MAPK10: variants seen among roughly 807,000 people sequenced by gnomAD.
The protein encoded by MAPK10 is mitogen-activated protein kinase 10, also known as JNK3 alpha protein kinase.
In MAPK10, 25 loss-of-function variants were observed where a neutral mutation model predicts 59.3. The ratio of observed to expected loss-of-function variants is 0.42; its 90% CI spans 0.31 to 0.59. The LOEUF (loss-of-function observed/expected upper bound fraction) is 0.59, where lower values mean the gene tolerates loss of function less well. Ranked by LOEUF, MAPK10 falls within the 20% of genes least tolerant of loss-of-function variation. The pLI, the probability that MAPK10 is intolerant of heterozygous loss-of-function variation, is 0.15. For missense variants in MAPK10, 351 were observed against 568.9 expected (o/e 0.62, Z 3.90); for synonymous variants, 190 against 200.5 (o/e 0.95, Z 0.44).
chr4:86,249,749 T>C (rs2093321004), intron 2 of MAPK10, among the ~76,000 whole-genome samples: 2 of 152,170 alleles, frequency 1.3e-5, no homozygotes, highest in South Asian at 2.1e-4. Context: ...AAATCCCATA[T>C]TAAATACTCT....
chr4:86,509,945 T>C (rs1756089624), intron 1 of MAPK10, among the ~76,000 whole-genome samples: 1 of 152,230 alleles, frequency 6.6e-6, no homozygotes, highest in African/African-American at 2.4e-5. Flanking sequence ...ACATGTGTTG[T>C]ATGCTGTGTC....
chr4:86,400,674 TC>T (rs1303560631), intron 1 of MAPK10, among the ~76,000 whole-genome samples: 2 of 152,126 alleles, frequency 1.3e-5, no homozygotes, highest in Non-Finnish European at 2.9e-5. Flanking sequence ...GCTTTATAAT[TC>T]TATAAGATGT....
intron 4 of MAPK10, chr4:86,117,706 T>C (rs796986535): frequency 1.4e-4 from 22 of 152,342 alleles, no homozygotes; most frequent in Admixed American, 5.9e-4. Flanking sequence ...TCTTCTGACA[T>C]GTCTTATTTG....
At chr4:86,379,960 G>C (rs1205404219) in intron 1 of MAPK10, among the ~76,000 whole-genome samples, 2 of 152,114 alleles carry the variant, frequency 1.3e-5, no homozygotes, top group African/African-American at 4.8e-5. Context: ...TTTCGGCAGG[G>C]CGCAGTGGCT....
intron 1 of MAPK10, among the ~76,000 whole-genome samples, chr4:86,547,035 G>A (rs1360449823): frequency 1.3e-5 from 2 of 152,226 alleles, no homozygotes; most frequent in Admixed American, 6.5e-5. Context: ...CTGGGCGACA[G>A]AGCGAGACTC....
intron 11 of MAPK10, among the ~76,000 whole-genome samples, chr4:86,034,494 G>A (rs1273536583): frequency 6.6e-6 from 1 of 152,148 alleles, no homozygotes; most frequent in Non-Finnish European, 1.5e-5. Context: ...TGGTCACTGT[G>A]AATTAATAAA....
chr4:86,239,591 C>T (rs2092562718), intron 2 of MAPK10, among the ~76,000 whole-genome samples: 1 of 151,798 alleles, frequency 6.6e-6, no homozygotes, highest in Non-Finnish European at 1.5e-5. Context: ...GTGTATGTAT[C>T]CAGGAATTTA....
chr4:86,078,604 T>TATACACAC (rs545667584), intron 9 of MAPK10, among the ~76,000 whole-genome samples: 2 of 149,666 alleles, frequency 1.3e-5, no homozygotes, highest in African/African-American at 2.5e-5. Flanking sequence ...TATATATATA[T>TATACACAC]ACACACACAC....
intron 1 of MAPK10, among the ~76,000 whole-genome samples, chr4:86,450,589 G>T (rs1335760009): frequency 6.6e-6 from 1 of 152,178 alleles, no homozygotes; most frequent in Non-Finnish European, 1.5e-5. Context: ...CCTAGGGTAT[G>T]AATTTTAGTG....
chr4:86,319,551 T>C (rs975706715), intron 2 of MAPK10, among the ~76,000 whole-genome samples: 2 of 152,160 alleles, frequency 1.3e-5, no homozygotes, highest in African/African-American at 4.8e-5. Flanking sequence ...TTCCTTTCAC[T>C]CATCTCTGAT....
intron 2 of MAPK10, among the ~76,000 whole-genome samples, chr4:86,300,278 T>C (rs1304741722): frequency 6.6e-6 from 1 of 152,196 alleles, no homozygotes; most frequent in Non-Finnish European, 1.5e-5. Context: ...CCGCCCTTCT[T>C]TGTCACTGAA....
chr4:86,465,304 C>A (rs368979547), intron 1 of MAPK10, among the ~76,000 whole-genome samples: 2 of 152,150 alleles, frequency 1.3e-5, no homozygotes, highest in Non-Finnish European at 2.9e-5. Context: ...ACAGATAATG[C>A]CCCAGACTAT....
chr4:86,581,919 ATATATATATATATAT>A (rs1478891595), intron 1 of MAPK10, among the ~76,000 whole-genome samples: 2 of 114,122 alleles, frequency 1.8e-5, no homozygotes, highest in African/African-American at 6.3e-5. Context: ...ATATATATAT[ATATATATATATATAT>A]ATATATATAT....
intron 3 of MAPK10, chr4:86,170,906 C>T (rs1005441277): frequency 5.9e-5 from 9 of 151,414 alleles, no homozygotes; most frequent in Admixed American, 2.0e-4. Context: ...AACTAGAACT[C>T]AGGATTAAGA....
chr4:86,151,381 T>C (rs977766541), intron 4 of MAPK10, among the ~76,000 whole-genome samples: 1 of 152,052 alleles, frequency 6.6e-6, no homozygotes, highest in Admixed American at 6.5e-5. Context: ...ACGAGACATA[T>C]ATGCAAAATG....
chr4:86,130,605 TGCATAGCATCA>T lies in MAPK10; in HGVS notation c.237-23264_237-23254del, dbSNP rs139992977. On this transcript the variant is annotated intron_variant, in intron 4 of 13. Coordinates refer to ENST00000641462, the MANE Select transcript of MAPK10 (RefSeq NM_138982.4). ...GGCTTACATACGATAAAATACTTTG[TGCATAGCATCA>T]GCAGGGAAAGTAGATTAAAGGGATT... Among the ~76,000 whole-genome samples, 1,220 of 152,292 alleles carry T rather than the reference TGCATAGCATCA, an allele frequency of 8.0e-3. 10 individuals are homozygous for T. Among genetic ancestry groups the T allele is most frequent in the Non-Finnish European group, 0.014 (972 of 68,000 alleles).
intron 4 of MAPK10, among the ~76,000 whole-genome samples, chr4:86,134,816 C>A (rs2061611314): frequency 6.6e-6 from 1 of 152,076 alleles, no homozygotes; most frequent in East Asian, 1.9e-4. Context: ...GGGCGCAGGT[C>A]AGTGGGTGCA....
chr4:86,157,137 A>G (rs75112741), intron 4 of MAPK10, among the ~76,000 whole-genome samples: 3,404 of 152,104 alleles, frequency 0.022, 59 homozygotes, highest in Non-Finnish European at 0.032. Flanking sequence ...CCCCATGCTG[A>G]TAAGTAAGAA....
intron 2 of MAPK10, among the ~76,000 whole-genome samples, chr4:86,287,375 T>G (rs149167120): frequency 2.6e-5 from 4 of 152,328 alleles, no homozygotes; most frequent in Admixed American, 2.6e-4. Flanking sequence ...TTTTTGTTCT[T>G]TGTTTTACTT....
Sources: gnomAD v4.1 joint callset for allele counts (sites outside exome capture counted in the v4.1 genomes callset) on GRCh38, gnomAD v4.1.1 for gene constraint, MANE v1.5 for transcripts, NCBI Gene and HGNC (gene_info 2026-07-23, HGNC 2026-07-21) for gene names.